SEL1L2: variants seen among roughly 807,000 people sequenced by gnomAD.
The protein encoded by SEL1L2 is SEL1L2 adaptor subunit of SYVN1 ubiquitin ligase.
SEL1L2 carries 89 observed loss-of-function variants against 98.8 expected under a neutral mutation model. The observed-to-expected ratio is 0.90, with a 90% confidence interval of 0.76 to 1.07. The LOEUF is 1.07. Ranked by LOEUF, SEL1L2 falls within the 50% of genes least tolerant of loss-of-function variation. The probability of loss-of-function intolerance (pLI) is 0.00; values close to 1 mark genes in which losing one functional copy is unlikely to be tolerated. For missense variants in SEL1L2, 788 were observed against 812.0 expected (o/e 0.97, Z 0.36); for synonymous variants, 262 against 278.5 (o/e 0.94, Z 0.59).
At chr20:13,933,135 C>T (rs777657501) in intron 2 of SEL1L2, among the ~76,000 whole-genome samples, 3 of 151,854 alleles carry the variant, frequency 2.0e-5, no homozygotes, top group Non-Finnish European at 4.4e-5. Context: ...CTTGAACCTG[C>T]GAGGCGGAGG....
chr20:13,948,233 G>GAT (rs1280016588), intron 2 of SEL1L2, among the ~76,000 whole-genome samples: 2 of 148,480 alleles, frequency 1.3e-5, no homozygotes, highest in African/African-American at 5.1e-5. Context: ...AATCCCAATG[G>GAT]CTTTTTTTTT....
chr20:13,885,678 T>C (rs1050079814), intron 9 of SEL1L2, among the ~76,000 whole-genome samples: 4 of 152,262 alleles, frequency 2.6e-5, no homozygotes, highest in Non-Finnish European at 1.5e-5. Context: ...TCAAAGATCA[T>C]GCAAATACTG....
chr20:13,951,252 G>T (rs2050250019), intron 2 of SEL1L2, among the ~76,000 whole-genome samples: 2 of 138,224 alleles, frequency 1.4e-5, no homozygotes, highest in Admixed American at 1.5e-4. Context: ...ACTCCAGCCT[G>T]GGCGACAGAG....
chr20:13,888,621 A>G (rs1402726524), intron 5 of SEL1L2, 109 bp from the exon 6 acceptor site: 7 of 409,222 alleles, frequency 1.7e-5, no homozygotes, highest in Non-Finnish European at 2.6e-5. Flanking sequence ...TGCATTGTTA[A>G]TTTCTTTCTT....
intron 1 of SEL1L2, among the ~76,000 whole-genome samples, chr20:13,982,703 C>G (rs55956937): frequency 3.3e-5 from 5 of 151,792 alleles, no homozygotes; most frequent in African/African-American, 1.2e-4. Context: ...TGCCTTTTCT[C>G]TGCCTCAGTG....
At chr20:13,903,339 C>T (rs746619280) in intron 5 of SEL1L2, among the ~76,000 whole-genome samples, 2 of 152,118 alleles carry the variant, frequency 1.3e-5, no homozygotes, top group African/African-American at 2.4e-5. Context: ...TTCCTCCTCA[C>T]TCCTTCTCTC....
chr20:13,854,046 A>T (rs1292104261), intron 18 of SEL1L2, among the ~76,000 whole-genome samples: 1 of 152,192 alleles, frequency 6.6e-6, no homozygotes, highest in Non-Finnish European at 1.5e-5. Flanking sequence ...TTAAATACCT[A>T]ATTTTAACTT....
At chr20:13,950,194 T>G (rs1025380916) in intron 2 of SEL1L2, among the ~76,000 whole-genome samples, 9 of 149,798 alleles carry the variant, frequency 6.0e-5, no homozygotes, top group African/African-American at 1.7e-4. Context: ...GAGGTTTTTG[T>G]TTTTTTTTAA....
chr20:13,933,510 A>T (rs761103295), intron 2 of SEL1L2, among the ~76,000 whole-genome samples: 4 of 152,210 alleles, frequency 2.6e-5, no homozygotes, highest in Non-Finnish European at 4.4e-5. Flanking sequence ...TATGAATAGA[A>T]TCATATAGTA....
chr20:13,938,874 T>G (rs1470079207), intron 2 of SEL1L2, among the ~76,000 whole-genome samples: 1 of 151,978 alleles, frequency 6.6e-6, no homozygotes, highest in African/African-American at 2.4e-5. Flanking sequence ...AAATACATTT[T>G]TCTGTTTTTC....
At chr20:13,960,792 A>G (rs2056172660) in intron 1 of SEL1L2, among the ~76,000 whole-genome samples, 1 of 152,218 alleles carries the variant, frequency 6.6e-6, no homozygotes. Flanking sequence ...TCTACCGGGT[A>G]CAGGAAGAAA....
chr20:13,958,285 T>G (rs1467717889), intron 1 of SEL1L2, among the ~76,000 whole-genome samples: 1 of 152,208 alleles, frequency 6.6e-6, no homozygotes, highest in African/African-American at 2.4e-5. Context: ...TGGAACCTAC[T>G]TCTTTAAAGG....
intron 9 of SEL1L2, among the ~76,000 whole-genome samples, chr20:13,886,038 A>G (rs78515072): frequency 2.3e-4 from 28 of 123,792 alleles, no homozygotes; most frequent in Non-Finnish European, 5.4e-5. Context: ...CTCCAACTCA[A>G]AAAAAAAAAA....
intron 1 of SEL1L2, among the ~76,000 whole-genome samples, chr20:13,983,145 G>A (rs2051948223): frequency 6.6e-6 from 1 of 151,326 alleles, no homozygotes; most frequent in South Asian, 2.1e-4. Context: ...TATACTTTGG[G>A]ATGGACTGTT....
intron 5 of SEL1L2, among the ~76,000 whole-genome samples, chr20:13,907,876 T>C (rs2048033414): frequency 6.6e-6 from 1 of 150,428 alleles, no homozygotes; most frequent in South Asian, 2.1e-4. Flanking sequence ...CAAGTGATCC[T>C]CCCACCTCAG....
chr20:13,886,922 G>C (rs1211127975), intron 8 of SEL1L2, among the ~76,000 whole-genome samples: 1 of 151,950 alleles, frequency 6.6e-6, no homozygotes. Flanking sequence ...TGTTTATTGG[G>C]TTCTCTAGTT....
chr20:13,932,715 G>A (rs988730079), intron 2 of SEL1L2, among the ~76,000 whole-genome samples: 2 of 152,160 alleles, frequency 1.3e-5, no homozygotes, highest in Admixed American at 6.5e-5. Flanking sequence ...ACAGGCATGA[G>A]CCACCACACC....
chr20:13,971,904 C>T (rs957924952), intron 1 of SEL1L2, among the ~76,000 whole-genome samples: 20 of 152,154 alleles, frequency 1.3e-4, no homozygotes, highest in African/African-American at 4.8e-4. Flanking sequence ...TATTCATACA[C>T]TGGTCCATTT....
Position 13,926,353 on chromosome 20 carries a change from AG to A in SEL1L2, c.283+5249del, listed in dbSNP as rs767160680. 2.2e-3 allele frequency among the ~76,000 whole-genome samples: 336 copies of A among 152,266 alleles called. 2 individuals are homozygous for A. The highest frequency in any genetic ancestry group is 7.9e-3 in the African/African-American group (329 of 41,576). On this transcript the variant is annotated intron_variant, in intron 3 of 19. Coordinates refer to ENST00000284951, the MANE Select transcript of SEL1L2 (RefSeq NM_025229.2). ...TTAAATAAATAAAAAATTCAAAAAAAGTGACCTTCAGAACCACATCTAAAGA... is the reference window on the plus strand; with the variant it reads ...TTAAATAAATAAAAAATTCAAAAAAATGACCTTCAGAACCACATCTAAAGA...
Sources: gnomAD v4.1 joint callset for allele counts (sites outside exome capture counted in the v4.1 genomes callset) on GRCh38, gnomAD v4.1.1 for gene constraint, MANE v1.5 for transcripts, NCBI Gene and HGNC (gene_info 2026-07-23, HGNC 2026-07-21) for gene names.